Variants in PCTP observed in about 807,000 individuals in gnomAD.
The protein encoded by PCTP is START domain-containing protein 2.
A neutral mutation model predicts 31.0 loss-of-function variants in PCTP; 27 were observed. The observed-to-expected ratio is 0.87, with a 90% CI of 0.64 to 1.20. The LOEUF is 1.20. Ranked by LOEUF, PCTP falls within the 50% of genes most tolerant of loss-of-function variation. PCTP has a pLI of 0.00. For missense variants in PCTP, 287 were observed against 268.2 expected, an observed-to-expected ratio of 1.07 and a Z score of -0.49; for synonymous variants, 108 against 101.2, an observed-to-expected ratio of 1.07 and a Z score of -0.40.
chr17:55,822,953 T>C (rs1272160669), exon 4 of PCTP: 1 of 555,112 alleles, frequency 1.8e-6, no homozygotes, highest in East Asian at 3.5e-5. Flanking sequence ...TCATTGTTTT[T>C]TCTCATAAGC....
At chr17:55,839,974 A>G (rs146587977) in intron 5 of PCTP, among the ~76,000 whole-genome samples, 4 of 149,156 alleles carry the variant, frequency 2.7e-5, no homozygotes, top group Admixed American at 2.7e-4. Flanking sequence ...TCAAGGTGAG[A>G]TCCATTGGAA....
At chr17:55,802,434 C>A (rs140052688) in intron 3 of PCTP, among the ~76,000 whole-genome samples, 1 of 152,270 alleles carries the variant, frequency 6.6e-6, no homozygotes, top group Non-Finnish European at 1.5e-5. Flanking sequence ...AACTTTCAAG[C>A]CAATATCTCT....
chr17:55,814,929 C>CCT (rs1912869963), intron 3 of PCTP, among the ~76,000 whole-genome samples: 1 of 152,098 alleles, frequency 6.6e-6, no homozygotes. Context: ...TTTACTGAAC[C>CCT]CTCAGCTCAG....
Position 55,776,492 on chromosome 17 carries a change from A to T in PCTP, c.*392A>T. 1 of 1,232,070 alleles carries T rather than the reference A, an allele frequency of 8.1e-7. No individual in the cohort carries two copies. The highest frequency in any genetic ancestry group is 1.0e-6 in the Non-Finnish European group (1 of 988,256). 76.3% of individuals were successfully genotyped at this position (1,232,070 alleles called of 1,614,324 possible). A position where few individuals can be genotyped will look rare whatever the true frequency, so the allele number is the denominator to read the frequency against. ...ATGGGTGGGCGGAGGGACACAACAA[A>T]ATTTAAGAATGACTATTTGGGCGGG... On this transcript the variant is annotated 3_prime_UTR_variant, in exon 6 of 6. Coordinates refer to ENST00000268896, the MANE Select transcript of PCTP (RefSeq NM_021213.4).
intron 1 of PCTP, among the ~76,000 whole-genome samples, chr17:55,755,424 C>T (rs1909956285): frequency 6.6e-6 from 1 of 152,214 alleles, no homozygotes; most frequent in African/African-American, 2.4e-5. Context: ...GTTACTGTTA[C>T]ATGTTTTTAA....
intron 3 of PCTP, among the ~76,000 whole-genome samples, chr17:55,773,325 C>A (rs1232637389): frequency 1.3e-5 from 2 of 152,206 alleles, no homozygotes; most frequent in African/African-American, 4.8e-5. Flanking sequence ...CCAAGCCTGT[C>A]TGCAAGGCAG....
intron 3 of PCTP, among the ~76,000 whole-genome samples, chr17:55,810,838 C>T (rs951108936): frequency 6.6e-6 from 1 of 152,180 alleles, no homozygotes; most frequent in Non-Finnish European, 1.5e-5. Flanking sequence ...AATAGCTGGG[C>T]AGTGAGAGTT....
chr17:55,816,306 ACTCTATGAAATTGTCTGGATATTT>A (rs1245075141), intron 3 of PCTP, among the ~76,000 whole-genome samples: 1 of 152,052 alleles, frequency 6.6e-6, no homozygotes, highest in Non-Finnish European at 1.5e-5. Flanking sequence ...GTAATTTTTG[ACTCTATGAAATTGTCTGGATATTT>A]CTCTATGAAA....
intron 4 of PCTP, among the ~76,000 whole-genome samples, chr17:55,774,172 G>T (rs549693047): frequency 1.3e-5 from 2 of 152,334 alleles, no homozygotes; most frequent in South Asian, 4.1e-4. Flanking sequence ...GTAAGCCAGA[G>T]AGTTTAGAAA....
At chr17:55,780,074 T>C (rs1911505377), downstream of PCTP, among the ~76,000 whole-genome samples, 1 of 148,992 alleles carries the variant, frequency 6.7e-6, no homozygotes, top group South Asian at 2.1e-4. Context: ...TATTCATCCT[T>C]AACTGCAAGG....
downstream of PCTP, among the ~76,000 whole-genome samples, chr17:55,778,718 T>TTATA (rs1312575319): frequency 3.3e-5 from 5 of 152,038 alleles, no homozygotes; most frequent in African/African-American, 1.2e-4. Flanking sequence ...TGGCTATGGG[T>TTATA]TATAGTATAA....
At chr17:55,815,674 C>T (rs72843012) in intron 3 of PCTP, among the ~76,000 whole-genome samples, 8,869 of 152,190 alleles carry the variant, frequency 0.058, 354 homozygotes, top group Non-Finnish European at 0.09. Flanking sequence ...GGAAAAAAAT[C>T]CCTGACTCCT....
At chr17:55,766,084 T>G (rs1910632169) in intron 1 of PCTP, among the ~76,000 whole-genome samples, 1 of 152,178 alleles carries the variant, frequency 6.6e-6, no homozygotes, top group African/African-American at 2.4e-5. Flanking sequence ...ACAACTCTTC[T>G]TACCCTATTT....
intron 3 of PCTP, among the ~76,000 whole-genome samples, chr17:55,813,487 G>T (rs1398247470): frequency 1.3e-5 from 2 of 151,990 alleles, no homozygotes; most frequent in African/African-American, 4.8e-5. Context: ...GCTAATTTTT[G>T]TGTTTTCAGT....
chr17:55,778,167 T>C (rs1329435156), downstream of PCTP, among the ~76,000 whole-genome samples: 1 of 150,102 alleles, frequency 6.7e-6, no homozygotes, highest in Non-Finnish European at 1.5e-5. Context: ...GCTGAGGTTA[T>C]GTAGGAAACT....
intron 2 of PCTP, chr17:55,770,590 T>C (rs1910927158): frequency 6.6e-6 from 1 of 152,316 alleles, no homozygotes; most frequent in South Asian, 2.1e-4. Flanking sequence ...ATTTGTGCTG[T>C]GTTTTTCTAT....
chr17:55,791,837 C>G (rs1911994510), intron 3 of PCTP, among the ~76,000 whole-genome samples: 1 of 151,930 alleles, frequency 6.6e-6, no homozygotes, highest in Admixed American at 6.6e-5. Flanking sequence ...AATCATGCTG[C>G]TATAAAGACA....
At chr17:55,792,580 A>G (rs1193072670) in intron 3 of PCTP, among the ~76,000 whole-genome samples, 3 of 152,190 alleles carry the variant, frequency 2.0e-5, no homozygotes, top group Non-Finnish European at 4.4e-5. Flanking sequence ...GTATGGGACT[A>G]GAAGCAGTCA....
chr17:55,850,921 A>G, the PCTP span, among the ~76,000 whole-genome samples: 3 of 152,318 alleles, frequency 2.0e-5, no homozygotes, highest in South Asian at 2.1e-4. Flanking sequence ...AAACCCACCT[A>G]CAGAAGCAGA....
Sources: allele counts gnomAD v4.1 joint callset (sites outside exome capture counted in the v4.1 genomes callset), GRCh38; gene constraint gnomAD v4.1.1; transcripts MANE v1.5; gene names NCBI Gene and HGNC (gene_info 2026-07-23, HGNC 2026-07-21).